The following DNAJC12 variants were observed in gnomAD, a reference collection of about 807,000 sequenced individuals.
DNAJC12 encodes dnaJ homolog subfamily C member 12.
DNAJC12 carries 25 observed loss-of-function variants against 28.5 expected under a neutral mutation model. That is an observed-to-expected ratio of 0.88 (90% CI 0.64 to 1.22). The LOEUF is 1.22. Among genes scored for constraint, DNAJC12 ranks in the 50% most tolerant of loss-of-function variants. The pLI is 0.00. For synonymous variants in DNAJC12, 77 were observed against 80.6 expected, an observed-to-expected ratio of 0.95 and a Z score of 0.24; for missense variants, 222 against 231.7, an observed-to-expected ratio of 0.96 and a Z score of 0.27.
chr10:67,836,496 T>C lies in DNAJC12; in HGVS notation c.78+1438A>G, dbSNP rs182914396. Among the ~76,000 whole-genome samples, 5 of 152,348 alleles carry C rather than the reference T, an allele frequency of 3.3e-5. No individual in the cohort carries two copies. The East Asian group carries it at 9.6e-4, about 29-fold the overall frequency. ...CCTTATCAAGTTAAATTATATTCCT[T>C]TGATTTTAAATTATTCCTTCAAAAA... On this transcript the variant is annotated intron_variant, in intron 1 of 4. Coordinates refer to ENST00000225171, the MANE Select transcript of DNAJC12 (RefSeq NM_021800.3).
At chr10:67,818,936 T>C (rs1028563743) in intron 2 of DNAJC12, among the ~76,000 whole-genome samples, 8 of 152,148 alleles carry the variant, frequency 5.3e-5, no homozygotes, top group Non-Finnish European at 8.8e-5. Context: ...ATTACAGGCA[T>C]TAGCCACCGA....
intron 2 of DNAJC12, chr10:67,816,099 C>T (rs973942579): frequency 2.8e-5 from 11 of 398,464 alleles, no homozygotes; most frequent in Non-Finnish European, 4.4e-5. Flanking sequence ...TGCTGGAAGT[C>T]TTGCGAGACA....
At chr10:67,822,112 G>T (rs1299399086) in intron 2 of DNAJC12, among the ~76,000 whole-genome samples, 1 of 152,134 alleles carries the variant, frequency 6.6e-6, no homozygotes, top group African/African-American at 2.4e-5. Context: ...CAAAAGAGCT[G>T]GTGATTTAAG....
At position 67,826,974 on chromosome 10, in the gene DNAJC12, A is replaced by G. The variant is rs368517272; in HGVS notation, c.79-3582T>C. Among the ~76,000 whole-genome samples, 7 of 145,204 alleles carry G rather than the reference A, an allele frequency of 4.8e-5. No individual in the cohort carries two copies. In the South Asian group the frequency reaches 1.5e-3, roughly 31 times the overall value. ...TATCATGATTTATATATATCATGAT[A>G]TATTATATATATATCTCTTAGGGCT... is the stretch of plus-strand genomic sequence containing the variant. On this transcript the variant is annotated intron_variant, in intron 1 of 4. Coordinates refer to ENST00000225171, the MANE Select transcript of DNAJC12 (RefSeq NM_021800.3).
intron 3 of DNAJC12, among the ~76,000 whole-genome samples, chr10:67,808,766 T>C (rs1252782902): frequency 6.6e-6 from 1 of 152,208 alleles, no homozygotes; most frequent in Non-Finnish European, 1.5e-5. Context: ...CCTGGATCAG[T>C]GATCACCATG....
intron 2 of DNAJC12, among the ~76,000 whole-genome samples, chr10:67,814,471 T>C (rs538788493): frequency 1.3e-5 from 2 of 151,358 alleles, no homozygotes; most frequent in South Asian, 2.1e-4. Context: ...TCCTTAGATA[T>C]GACACCAAAA....
At chr10:67,800,953 A>AT (rs1841737396) in intron 4 of DNAJC12, among the ~76,000 whole-genome samples, 1 of 152,136 alleles carries the variant, frequency 6.6e-6, no homozygotes, top group South Asian at 2.1e-4. Context: ...AAAAAAAAAA[A>AT]AATTTCTTTC....
intron 1 of DNAJC12, among the ~76,000 whole-genome samples, chr10:67,828,072 T>G (rs905458554): frequency 2.6e-5 from 4 of 152,206 alleles, no homozygotes; most frequent in Admixed American, 2.6e-4. Context: ...TCCAGTAGGC[T>G]GCAAAACTGC....
chr10:67,809,301 C>A (rs1046812654), intron 3 of DNAJC12, among the ~76,000 whole-genome samples: 2 of 152,012 alleles, frequency 1.3e-5, no homozygotes, highest in Non-Finnish European at 2.9e-5. Flanking sequence ...TGGGTAAAAC[C>A]ATTTAGCATG....
intron 3 of DNAJC12, among the ~76,000 whole-genome samples, chr10:67,807,248 G>A (rs924578849): frequency 1.6e-4 from 24 of 151,704 alleles, no homozygotes; most frequent in Non-Finnish European, 1.3e-4. Context: ...GTGACAGAGC[G>A]AGATTCTGTC....
At chr10:67,808,952 T>C (rs529244903) in intron 3 of DNAJC12, among the ~76,000 whole-genome samples, 9 of 152,304 alleles carry the variant, frequency 5.9e-5, no homozygotes, top group African/African-American at 9.6e-5. Context: ...AGGTAGTCTA[T>C]GGCCAGTTGA....
chr10:67,808,223 A>G (rs1841822878), intron 3 of DNAJC12, among the ~76,000 whole-genome samples: 1 of 152,246 alleles, frequency 6.6e-6, no homozygotes, highest in Non-Finnish European at 1.5e-5. Flanking sequence ...AAATGACAGC[A>G]ATTGATACAG....
intron 3 of DNAJC12, among the ~76,000 whole-genome samples, chr10:67,810,583 G>A (rs1841849351): frequency 1.3e-5 from 2 of 152,162 alleles, no homozygotes; most frequent in Non-Finnish European, 2.9e-5. Context: ...CAGAAACACA[G>A]GGTTGATGGT....
At chr10:67,814,876 T>C (rs1042691698) in intron 2 of DNAJC12, among the ~76,000 whole-genome samples, 15 of 152,160 alleles carry the variant, frequency 9.9e-5, no homozygotes, top group African/African-American at 3.4e-4. Flanking sequence ...TGTGAAAAAA[T>C]TGGAACTGTC....
Position 67,830,257 on chromosome 10 carries a change from G to A in DNAJC12, c.79-6865C>T, listed in dbSNP as rs1157356399. Reference sequence around the variant, plus strand: ...GCCTGGGAGGCGGAGGTTGCAGTGAGCTGAGATCGCGCCACTGCACTCCAG... The same window carrying A: ...GCCTGGGAGGCGGAGGTTGCAGTGAACTGAGATCGCGCCACTGCACTCCAG... On this transcript the variant is annotated intron_variant, in intron 1 of 4. Transcript: ENST00000225171. Among the ~76,000 whole-genome samples the A allele has an allele frequency of 2.0e-5, 3 of 152,162 alleles. No homozygotes were observed. The East Asian group carries it at 5.8e-4, about 29-fold the overall frequency.
intron 3 of DNAJC12, among the ~76,000 whole-genome samples, chr10:67,810,537 T>C (rs1841848841): frequency 6.6e-6 from 1 of 152,114 alleles, no homozygotes; most frequent in South Asian, 2.1e-4. Flanking sequence ...ACAATGCTTT[T>C]CCGTTCCAGA....
At position 67,819,816 on chromosome 10, in the gene DNAJC12, G is replaced by GGAAGGAAGGAAGGAAT. The variant is rs1268302354; in HGVS notation, c.157+3497_157+3498insATTCCTTCCTTCCTTC. Among the ~76,000 whole-genome samples the GGAAGGAAGGAAGGAAT allele has an allele frequency of 4.9e-4, 73 of 147,906 alleles. 1 individual carries two copies. Among genetic ancestry groups the GGAAGGAAGGAAGGAAT allele is most frequent in the African/African-American group, 1.6e-3 (63 of 38,356 alleles). ...AGGAAGGAAGGAAGGAAGGAAGGAA[G>GGAAGGAAGGAAGGAAT]GAATGTTTATGCATTCACTTATTCA... On this transcript the variant is annotated intron_variant, in intron 2 of 4. Coordinates refer to ENST00000225171, the MANE Select transcript of DNAJC12 (RefSeq NM_021800.3).
chr10:67,801,072 T>A (rs1237215524), intron 4 of DNAJC12, among the ~76,000 whole-genome samples: 1 of 152,224 alleles, frequency 6.6e-6, no homozygotes, highest in Non-Finnish European at 1.5e-5. Context: ...AATGAGATTG[T>A]CTCGCACAGT....
chr10:67,812,746 C>T (rs535977018), intron 2 of DNAJC12, among the ~76,000 whole-genome samples: 43 of 150,676 alleles, frequency 2.9e-4, no homozygotes, highest in East Asian at 1.4e-3. Context: ...CCCAGCTACT[C>T]GGGGGCTGAG....
Sources: gnomAD v4.1 joint callset for allele counts (sites outside exome capture counted in the v4.1 genomes callset) on GRCh38, gnomAD v4.1.1 for gene constraint, MANE v1.5 for transcripts, NCBI Gene and HGNC (gene_info 2026-07-23, HGNC 2026-07-21) for gene names.